The following SEPTIN14 variants were observed in gnomAD, a reference collection of about 807,000 sequenced individuals.
The protein encoded by SEPTIN14 is septin-14.
SEPTIN14 carries 40 observed loss-of-function variants against 53.6 expected under a neutral mutation model. The observed-to-expected ratio is 0.75, with a 90% CI of 0.58 to 0.97. The LOEUF (loss-of-function observed/expected upper bound fraction) is 0.97, where lower values mean the gene tolerates loss of function less well. SEPTIN14 is among the 50% of genes least tolerant of loss of function. The pLI is 0.00. For synonymous variants in SEPTIN14, 138 were observed against 166.8 expected, an observed-to-expected ratio of 0.83 and a Z score of 1.33; for missense variants, 471 against 508.2, an observed-to-expected ratio of 0.93 and a Z score of 0.70.
chr7:55,801,510 C>T (rs1788522548), intron 9 of SEPTIN14, among the ~76,000 whole-genome samples: 1 of 152,106 alleles, frequency 6.6e-6, no homozygotes. Flanking sequence ...CATGAAGAAA[C>T]TGAAAATCTG....
At chr7:55,806,469 C>T (rs1454567857) in intron 8 of SEPTIN14, among the ~76,000 whole-genome samples, 13 of 142,750 alleles carry the variant, frequency 9.1e-5, no homozygotes, top group South Asian at 2.2e-4. Flanking sequence ...CTTTTTTTTT[C>T]TTTTTTTTTT....
In SEPTIN14 at chr7:55,811,798, A is replaced by AT. The variant is rs879468645; in HGVS notation, c.818-4541dup. ...ACAGGTGTGAGCCACCGCACCCAGC[A>AT]TTTTTTTTTTTTTGAGACAGAGTCT... On this transcript the variant is annotated intron_variant, in intron 7 of 9. Transcript: ENST00000388975. Among the ~76,000 whole-genome samples the AT allele has an allele frequency of 5.5e-3, 657 of 118,688 alleles. 1 individual carries two copies. Among genetic ancestry groups the AT allele is most frequent in the Middle Eastern group, 0.02 (3 of 150 alleles). 77.9% of individuals were successfully genotyped at this position (118,688 alleles called of 152,430 possible).
Position 55,795,770 on chromosome 7 carries a change from G to A in SEPTIN14, c.*143C>T. ...GGCATGAGCCACCACACCCCGCTAG[G>A]AGTTCACACTTTAGTTGGGGAAAAT... On this transcript the variant is annotated 3_prime_UTR_variant, in exon 10 of 10. Transcript: ENST00000388975. 1.5e-6 allele frequency: 1 copy of A among 675,716 alleles called. No individual in the cohort carries two copies. Among genetic ancestry groups the A allele is most frequent in the Non-Finnish European group, 2.5e-6 (1 of 396,164 alleles). 41.9% of individuals were successfully genotyped at this position (675,716 alleles called of 1,614,324 possible).
intron 8 of SEPTIN14, among the ~76,000 whole-genome samples, chr7:55,805,928 T>C (rs1788603336): frequency 1.3e-5 from 2 of 152,174 alleles, no homozygotes; most frequent in Admixed American, 6.5e-5. Flanking sequence ...TTTGGGTGTC[T>C]ACAAAGAACA....
At chr7:55,807,366 CA>C in intron 7 of SEPTIN14, 108 bp from the exon 8 acceptor site, 1 of 668,708 alleles carries the variant, frequency 1.5e-6, no homozygotes, top group South Asian at 2.2e-5. Flanking sequence ...AAATAACACA[CA>C]ACTGAACAAT....
intron 6 of SEPTIN14, among the ~76,000 whole-genome samples, chr7:55,831,227 T>G (rs530777154): frequency 6.6e-6 from 1 of 151,818 alleles, no homozygotes; most frequent in Non-Finnish European, 1.5e-5. Flanking sequence ...ATTAATGGAA[T>G]GGAATAAAGA....
intron 6 of SEPTIN14, among the ~76,000 whole-genome samples, chr7:55,831,486 A>G (rs1789108317): frequency 6.6e-6 from 1 of 152,210 alleles, no homozygotes; most frequent in African/African-American, 2.4e-5. Context: ...AAGACGTATT[A>G]ATGACTTAAA....
intron 6 of SEPTIN14, among the ~76,000 whole-genome samples, chr7:55,826,288 A>G (rs1361137008): frequency 1.3e-5 from 2 of 152,186 alleles, no homozygotes; most frequent in Non-Finnish European, 2.9e-5. Context: ...CTGATTTTGC[A>G]AACTGAATCT....
chr7:55,830,349 A>ATATTTT (rs71015108), intron 6 of SEPTIN14, among the ~76,000 whole-genome samples: 82 of 56,828 alleles, frequency 1.4e-3, no homozygotes, highest in East Asian at 8.5e-3. Context: ...ATATATATAT[A>ATATTTT]TTTTTTTTTT....
At chr7:55,814,631 C>T (rs1584255675) in intron 7 of SEPTIN14, among the ~76,000 whole-genome samples, 1 of 151,982 alleles carries the variant, frequency 6.6e-6, no homozygotes, top group Middle Eastern at 3.4e-3. Context: ...CTATAAAATA[C>T]TGATGAAAGA....
intron 7 of SEPTIN14, among the ~76,000 whole-genome samples, chr7:55,807,820 C>A (rs1298016757): frequency 6.6e-6 from 1 of 152,022 alleles, no homozygotes; most frequent in Admixed American, 6.6e-5. Context: ...AAAGATATTT[C>A]ATGCAATTAG....
In SEPTIN14 at chr7:55,815,334, C is replaced by T. The variant is rs74567389; in HGVS notation, c.817+3793G>A. Among the ~76,000 whole-genome samples the T allele has an allele frequency of 4.6e-5, 7 of 152,070 alleles. No homozygotes were observed. In the East Asian group the frequency reaches 1.4e-3, roughly 29 times the overall value. ...CAAACGAAACAACAAAGTGAAGAAA[C>T]AATACACACAATGAGAAAATATTTG... On this transcript the variant is annotated intron_variant, in intron 7 of 9. Coordinates refer to ENST00000388975, the MANE Select transcript of SEPTIN14 (RefSeq NM_207366.3).
chr7:55,841,853 C>CAAA (rs58433679), intron 5 of SEPTIN14, among the ~76,000 whole-genome samples: 11 of 73,494 alleles, frequency 1.5e-4, no homozygotes, highest in African/African-American at 5.0e-4. Context: ...GAAACTCCGC[C>CAAA]AAAAAAAAAA....
intron 5 of SEPTIN14, among the ~76,000 whole-genome samples, chr7:55,842,640 C>A (rs369228587): frequency 2.0e-5 from 3 of 150,624 alleles, no homozygotes; most frequent in Admixed American, 6.6e-5. Flanking sequence ...AGGCTGGGCA[C>A]GGTGGCTCAC....
At chr7:55,837,156 C>T (rs1181075016) in intron 5 of SEPTIN14, among the ~76,000 whole-genome samples, 2 of 149,760 alleles carry the variant, frequency 1.3e-5, no homozygotes, top group Non-Finnish European at 3.0e-5. Context: ...TGATCTGTGG[C>T]CCTGTCTGCA....
intron 6 of SEPTIN14, 45 bp from the exon 7 acceptor site, chr7:55,819,268 G>C: frequency 6.2e-6 from 8 of 1,280,312 alleles, no homozygotes; most frequent in Non-Finnish European, 7.7e-6. Context: ...AGCACCATTA[G>C]AGCTTACTCT....
chr7:55,829,096 A>C (rs1789042907), intron 6 of SEPTIN14, among the ~76,000 whole-genome samples: 1 of 151,866 alleles, frequency 6.6e-6, no homozygotes. Context: ...ATATGGTGCT[A>C]GGCCGGGCAC....
At chr7:55,838,860 T>C (rs545347942) in intron 5 of SEPTIN14, among the ~76,000 whole-genome samples, 29 of 152,242 alleles carry the variant, frequency 1.9e-4, no homozygotes, top group Non-Finnish European at 4.0e-4. Context: ...AGTTTCACTT[T>C]CCACAATTTC....
In SEPTIN14 at chr7:55,841,981, G is replaced by A. The variant is rs113865518; in HGVS notation, c.558+961C>T. ...ACCCAGGAGGCAGAGGTTGCAGTGA[G>A]CCAAGATTGTGCCACTGCACTCCAG... On this transcript the variant is annotated intron_variant, in intron 5 of 9. Coordinates refer to ENST00000388975, the MANE Select transcript of SEPTIN14 (RefSeq NM_207366.3). Among the ~76,000 whole-genome samples, 163 of 152,268 alleles carry A rather than the reference G, an allele frequency of 1.1e-3. 1 individual carries two copies. The highest frequency in any genetic ancestry group is 3.6e-3 in the African/African-American group (151 of 41,568).
Sources: allele counts gnomAD v4.1 joint callset (sites outside exome capture counted in the v4.1 genomes callset), GRCh38; gene constraint gnomAD v4.1.1; transcripts MANE v1.5; gene names NCBI Gene and HGNC (gene_info 2026-07-23, HGNC 2026-07-21).